Variants in SLC19A3 observed in about 807,000 individuals in gnomAD.
The protein encoded by SLC19A3 is thiamine transporter 2.
A neutral mutation model predicts 40.2 loss-of-function variants in SLC19A3; 31 were observed. The ratio of observed to expected loss-of-function variants is 0.77; its 90% confidence interval spans 0.58 to 1.04. The LOEUF is 1.04. Ranked by LOEUF, SLC19A3 falls within the 50% of genes least tolerant of loss-of-function variation. The pLI, the probability that SLC19A3 is intolerant of heterozygous loss-of-function variation, is 0.00. For missense variants in SLC19A3, 592 were observed against 596.7 expected (o/e 0.99, Z 0.08); for synonymous variants, 212 against 227.5 (o/e 0.93, Z 0.61).
rs563225873 is a variant in SLC19A3, at chr2:227,685,104, G to C, written c.*2293C>G. 70 of 152,064 alleles carry C rather than the reference G, an allele frequency of 4.6e-4. 1 individual carries two copies. Among genetic ancestry groups the C allele is most frequent in the African/African-American group, 1.7e-3 (69 of 41,490 alleles). 9.4% of individuals were successfully genotyped at this position (152,064 alleles called of 1,614,324 possible). A position where few individuals can be genotyped will look rare whatever the true frequency, so the allele number is the denominator to read the frequency against. The stretch of plus-strand genomic sequence containing the variant: ...CACTAAGTGAGTGCATTGATTCTTG[G>C]GCTGGATCTTAGTCCAGTGAAGAAT... On this transcript the variant is annotated 3_prime_UTR_variant, in exon 6 of 6. Coordinates refer to ENST00000644224, the MANE Select transcript of SLC19A3 (RefSeq NM_025243.4).
At chr2:227,696,709 A>C (rs1192020981) in intron 3 of SLC19A3, among the ~76,000 whole-genome samples, 5 of 152,216 alleles carry the variant, frequency 3.3e-5, no homozygotes, top group Non-Finnish European at 7.3e-5. Context: ...AGAGTTCAAG[A>C]AATTGAAATA....
Position 227,687,171 on chromosome 2 carries a change from A to T in SLC19A3, c.*226T>A, listed in dbSNP as rs892892723. Reference sequence around the variant, plus strand: ...CTACTAGTCACAGGGGGTCCCCAATATGGGTTGTTTAATTATGATGACGGG... The same window carrying T: ...CTACTAGTCACAGGGGGTCCCCAATTTGGGTTGTTTAATTATGATGACGGG... On this transcript the variant is annotated 3_prime_UTR_variant, in exon 6 of 6. Transcript: ENST00000644224. 2.2e-6 allele frequency: 1 copy of T among 449,230 alleles called. No individual in the cohort carries two copies. Among genetic ancestry groups the T allele is most frequent in the Non-Finnish European group, 3.9e-6 (1 of 254,798 alleles). The allele number at this position is 449,230 out of a possible 1,614,324, so 27.8% of individuals were successfully genotyped here.
chr2:227,697,486 A>C (rs1695482051), intron 3 of SLC19A3, among the ~76,000 whole-genome samples: 1 of 152,204 alleles, frequency 6.6e-6, no homozygotes, highest in Non-Finnish European at 1.5e-5. Flanking sequence ...TCCAGCCCTC[A>C]TTTAAATACC....
rs553308770 is a variant in SLC19A3, at chr2:227,686,133, T to C, written c.*1264A>G. Reference sequence around the variant, plus strand: ...AATGGCTTGAACTCAGGAGGTGAAGTTTGCAGTGAGCCAAGATCACGCCAT... The same window carrying C: ...AATGGCTTGAACTCAGGAGGTGAAGCTTGCAGTGAGCCAAGATCACGCCAT... On this transcript the variant is annotated 3_prime_UTR_variant, in exon 6 of 6. Transcript: ENST00000644224. 6.5e-5 allele frequency: 29 copies of C among 448,180 alleles called. No individual in the cohort carries two copies. The highest frequency in any genetic ancestry group is 9.9e-5 in the Non-Finnish European group (22 of 223,060). The allele number at this position is 448,180 out of a possible 1,614,324, so 27.8% of individuals were successfully genotyped here.
chr2:227,712,957 G>A (rs1696192590), intron 1 of SLC19A3, among the ~76,000 whole-genome samples: 1 of 152,172 alleles, frequency 6.6e-6, no homozygotes, highest in African/African-American at 2.4e-5. Flanking sequence ...ACTTCCTGGG[G>A]TGACCAAAAC....
intron 4 of SLC19A3, among the ~76,000 whole-genome samples, chr2:227,688,580 G>T (rs1035213055): frequency 2.2e-4 from 33 of 152,280 alleles, no homozygotes; most frequent in African/African-American, 7.9e-4. Flanking sequence ...TGGGCTTGGG[G>T]TGCTCCCTAA....
chr2:227,701,974 G>A, intron 2 of SLC19A3, 195 bp downstream of exon 2: 3 of 577,042 alleles, frequency 5.2e-6, no homozygotes, highest in South Asian at 2.1e-5. Context: ...CATGTAATAT[G>A]TTTTGGCTGC....
chr2:227,691,042 C>A (rs924532997), intron 4 of SLC19A3, among the ~76,000 whole-genome samples: 30 of 152,008 alleles, frequency 2.0e-4, no homozygotes, highest in Non-Finnish European at 2.9e-5. Flanking sequence ...AAAACATATT[C>A]AAAAATTTGA....
chr2:227,718,004 C>A lies in SLC19A3; in HGVS notation c.-64G>T. 1 of 985,190 alleles carries A rather than the reference C, an allele frequency of 1.0e-6. No individual in the cohort carries two copies. Among genetic ancestry groups the A allele is most frequent in the Non-Finnish European group, 1.2e-6 (1 of 829,720 alleles). The allele number at this position is 985,190 out of a possible 1,614,324, so 61.0% of individuals were successfully genotyped here. A position where few individuals can be genotyped will look rare whatever the true frequency, so the allele number is the denominator to read the frequency against. ...TTGCCGCACGACCACGCACCCGCGG[C>A]TGTCGGATGGATCCAGGCGCTCTTG... On this transcript the variant is annotated 5_prime_UTR_variant, in exon 1 of 6. Transcript: ENST00000644224.
At chr2:227,717,388 A>G (rs928969662) in intron 1 of SLC19A3, among the ~76,000 whole-genome samples, 4 of 152,186 alleles carry the variant, frequency 2.6e-5, no homozygotes, top group Non-Finnish European at 5.9e-5. Context: ...CATTTGCGGC[A>G]GCGACATTGA....
chr2:227,692,810 A>T (rs751196191), intron 4 of SLC19A3, among the ~76,000 whole-genome samples: 2 of 152,134 alleles, frequency 1.3e-5, no homozygotes, highest in Non-Finnish European at 2.9e-5. Flanking sequence ...AAACTTAAAG[A>T]CTCTTACCAA....
At chr2:227,687,673 T>C in intron 5 of SLC19A3, 100 bp from the exon 6 acceptor site, 1 of 1,274,436 alleles carries the variant, frequency 7.8e-7, no homozygotes, top group Non-Finnish European at 1.1e-6. Flanking sequence ...ATGGGGTAAC[T>C]GAGACCCAGG....
chr2:227,694,474 A>G (rs114329638), intron 4 of SLC19A3, among the ~76,000 whole-genome samples: 6,250 of 152,272 alleles, frequency 0.041, 422 homozygotes, highest in African/African-American at 0.14. Context: ...ATTTTTTCCC[A>G]GAGTGCTCAT....
At chr2:227,706,449 AC>A (rs1695945907) in intron 1 of SLC19A3, 1 of 1,229,440 alleles carries the variant, frequency 8.1e-7, no homozygotes. Flanking sequence ...TTAAAAAGGT[AC>A]AAGAACACTG....
chr2:227,710,214 C>T (rs188963637), intron 1 of SLC19A3, among the ~76,000 whole-genome samples: 30 of 152,268 alleles, frequency 2.0e-4, no homozygotes, highest in African/African-American at 7.0e-4. Flanking sequence ...CCACCTACTT[C>T]CTGCCCACTC....
At position 227,686,223 on chromosome 2, in the gene SLC19A3, T is replaced by C. The variant is rs1695010472; in HGVS notation, c.*1174A>G. On this transcript the variant is annotated 3_prime_UTR_variant, in exon 6 of 6. Transcript: ENST00000644224. ...AACCAAAACAAAACAAAATCAGGTG[T>C]TTTATTCCACTCCCCCCATCAGTGT... The C allele has an allele frequency of 1.0e-5, 4 of 398,730 alleles. No homozygotes were observed. Among genetic ancestry groups the C allele is most frequent in the South Asian group, 7.5e-5 (4 of 53,618 alleles). The allele number at this position is 398,730 out of a possible 1,614,324, so 24.7% of individuals were successfully genotyped here.
chr2:227,688,098 T>C, intron 5 of SLC19A3, 68 bp downstream of exon 5: 1 of 1,519,868 alleles, frequency 6.6e-7, no homozygotes, highest in Non-Finnish European at 9.1e-7. Context: ...GAAATTTAAA[T>C]ATTGCTTGTT....
At chr2:227,693,528 A>G (rs1428789932) in intron 4 of SLC19A3, among the ~76,000 whole-genome samples, 2 of 152,224 alleles carry the variant, frequency 1.3e-5, no homozygotes, top group African/African-American at 2.4e-5. Context: ...AAAACTGAAT[A>G]TCCGTATGCA....
intron 1 of SLC19A3, among the ~76,000 whole-genome samples, chr2:227,704,971 C>T (rs938980543): frequency 2.6e-5 from 4 of 151,942 alleles, no homozygotes; most frequent in African/African-American, 9.7e-5. Flanking sequence ...ACCTCCGCTT[C>T]CTGGGTTCAA....
Sources: allele counts gnomAD v4.1 joint callset (sites outside exome capture counted in the v4.1 genomes callset), GRCh38; gene constraint gnomAD v4.1.1; transcripts MANE v1.5; gene names NCBI Gene and HGNC (gene_info 2026-07-23, HGNC 2026-07-21).